The following ASTN2 variants were observed in gnomAD, a reference collection of about 807,000 sequenced individuals.
ASTN2 encodes astrotactin 2.
Under a neutral mutation model 139.8 loss-of-function variants are expected in ASTN2, and 54 were observed. The observed-to-expected ratio is 0.39, with a 90% CI of 0.31 to 0.48. ASTN2 has a LOEUF of 0.48. Ranked by LOEUF, ASTN2 falls within the 20% of genes least tolerant of loss-of-function variation. The probability of loss-of-function intolerance (pLI) is 0.95; values close to 1 mark genes in which losing one functional copy is unlikely to be tolerated. For missense variants in ASTN2, 1,565 were observed against 1,725.1 expected, an observed-to-expected ratio of 0.91 and a Z score of 1.64; for synonymous variants, 756 against 719.5, an observed-to-expected ratio of 1.05 and a Z score of -0.81.
chr9:117,020,102 T>C (rs1334091), intron 6 of ASTN2, among the ~76,000 whole-genome samples: 109,261 of 150,326 alleles, frequency 0.73, 39,965 homozygotes, highest in Middle Eastern at 0.82. Flanking sequence ...GGTAATCAAC[T>C]GGGCAGACTA....
rs1379923371 is a variant in ASTN2 at position 116,618,377 on chromosome 9, T to C, written c.3302A>G (p.Tyr1101Cys). The C allele has an allele frequency of 3.1e-6, 5 of 1,614,030 alleles. No homozygotes were observed. Among genetic ancestry groups the C allele is most frequent in the African/African-American group, 1.3e-5 (1 of 74,934 alleles). The stretch of plus-strand genomic sequence containing the variant: ...ATCCACTTTCTTATGCTGCAGAATA[T>C]AGTCGGAGACCTTGGTCCCAATAGC... ...QPAIGTKVSD[Y>C]ILQHKKVDEY... Residue 1101 changes from tyrosine to cysteine, a missense_variant, in exon 19 of 23, where the codon TAT becomes TGT. This residue lies in a region of ASTN2 where 418 missense variants were observed against 465.8 expected (regional missense o/e 0.90). Coordinates refer to ENST00000313400, the MANE Select transcript of ASTN2 (RefSeq NM_001365068.1).
chr9:116,523,969 C>CCATAAAATATA (rs1170174424), intron 19 of ASTN2, among the ~76,000 whole-genome samples: 1 of 152,136 alleles, frequency 6.6e-6, no homozygotes, highest in African/African-American at 2.4e-5. Context: ...ATGGCCAGTG[C>CCATAAAATATA]TGGGTGAATT....
intron 2 of ASTN2, among the ~76,000 whole-genome samples, chr9:117,267,483 T>C (rs1413570293): frequency 6.6e-6 from 1 of 152,196 alleles, no homozygotes; most frequent in African/African-American, 2.4e-5. Flanking sequence ...TGTTAATATC[T>C]CAGTACATAC....
chr9:116,921,078 A>G (rs903880821), intron 10 of ASTN2, among the ~76,000 whole-genome samples: 2 of 152,160 alleles, frequency 1.3e-5, no homozygotes, highest in Non-Finnish European at 2.9e-5. Context: ...GTTTCTACTC[A>G]TGGTGGAAGC....
intron 1 of ASTN2, among the ~76,000 whole-genome samples, chr9:117,413,485 A>C (rs897865971): frequency 6.6e-6 from 1 of 152,226 alleles, no homozygotes; most frequent in South Asian, 2.1e-4. Context: ...GGGGAGAGCG[A>C]GCAAGCAGCG....
chr9:116,810,183 TCTAA>T (rs1307940948), intron 12 of ASTN2, among the ~76,000 whole-genome samples: 1 of 152,254 alleles, frequency 6.6e-6, no homozygotes, highest in Non-Finnish European at 1.5e-5. Flanking sequence ...TTTGGAGTTC[TCTAA>T]CTGAGAAACA....
At chr9:117,164,406 T>A (rs1021080237) in intron 3 of ASTN2, among the ~76,000 whole-genome samples, 5 of 152,090 alleles carry the variant, frequency 3.3e-5, no homozygotes, top group African/African-American at 1.2e-4. Context: ...TCATTGGGTG[T>A]AAATGAAAAG....
chr9:117,024,393 A>G (rs1837989592), intron 6 of ASTN2, among the ~76,000 whole-genome samples: 1 of 150,212 alleles, frequency 6.7e-6, no homozygotes, highest in African/African-American at 2.5e-5. Flanking sequence ...ACGGTATTAG[A>G]TGTCTCAGAA....
At chr9:116,574,608 C>G (rs10983242) in intron 19 of ASTN2, among the ~76,000 whole-genome samples, 9,425 of 152,300 alleles carry the variant, frequency 0.062, 396 homozygotes, top group Non-Finnish European at 0.099. Context: ...GTTGGGAAGG[C>G]AGAGAAAGAC....
intron 13 of ASTN2, among the ~76,000 whole-genome samples, chr9:116,803,681 C>T (rs1436748633): frequency 4.6e-5 from 7 of 151,160 alleles, no homozygotes; most frequent in East Asian, 2.0e-4. Flanking sequence ...CCTGCCACTA[C>T]GCCTGGCTAT....
At chr9:116,578,639 T>C (rs1437027218) in intron 19 of ASTN2, among the ~76,000 whole-genome samples, 1 of 106,746 alleles carries the variant, frequency 9.4e-6, no homozygotes, top group African/African-American at 3.9e-5. Flanking sequence ...TGTGTGTGTG[T>C]GTGTGTGTGT....
intron 10 of ASTN2, among the ~76,000 whole-genome samples, chr9:116,886,364 C>A (rs978126400): frequency 6.6e-6 from 1 of 152,216 alleles, no homozygotes; most frequent in African/African-American, 2.4e-5. Context: ...GCAATTGTTT[C>A]TTTTTTCTTT....
chr9:116,691,529 G>A (rs1026007116), intron 16 of ASTN2, among the ~76,000 whole-genome samples: 1 of 152,168 alleles, frequency 6.6e-6, no homozygotes, highest in Non-Finnish European at 1.5e-5. Flanking sequence ...GTTTAACTTA[G>A]TAATTTAGCT....
At chr9:117,120,552 C>T (rs13292679) in intron 4 of ASTN2, among the ~76,000 whole-genome samples, 53,236 of 151,914 alleles carry the variant, frequency 0.35, 10,141 homozygotes, top group Non-Finnish European at 0.43. Context: ...TACTTAGAGT[C>T]GGGGACCAAG....
intron 10 of ASTN2, among the ~76,000 whole-genome samples, chr9:116,948,069 G>A (rs748841933): frequency 1.3e-5 from 2 of 152,158 alleles, no homozygotes; most frequent in Non-Finnish European, 2.9e-5. Flanking sequence ...GTCTTCAGAT[G>A]GAATATCACA....
intron 13 of ASTN2, among the ~76,000 whole-genome samples, chr9:116,768,127 C>T (rs1477502040): frequency 1.3e-5 from 2 of 152,146 alleles, no homozygotes; most frequent in Non-Finnish European, 2.9e-5. Context: ...TGTAAACTCC[C>T]AAATCCAATG....
chr9:116,883,062 T>A (rs1833492202), intron 10 of ASTN2, among the ~76,000 whole-genome samples: 1 of 152,188 alleles, frequency 6.6e-6, no homozygotes, highest in Non-Finnish European at 1.5e-5. Context: ...AAATGAGCAA[T>A]GCAGATGATG....
At position 116,425,462 on chromosome 9, in the gene ASTN2, G is replaced by A; in HGVS notation, c.*389C>T. The A allele has an allele frequency of 1.8e-6, 2 of 1,135,664 alleles. No individual in the cohort carries two copies. Among genetic ancestry groups the A allele is most frequent in the Non-Finnish European group, 2.6e-6 (2 of 770,394 alleles). 70.3% of individuals were successfully genotyped at this position (1,135,664 alleles called of 1,614,324 possible). On this transcript the variant is annotated 3_prime_UTR_variant, in exon 23 of 23. Transcript: ENST00000313400. ...TCAGGTCAAAACTGTCCCTCCATAG[G>A]TCTCCTCCAGGGGTCCATGGCAGGA...
intron 19 of ASTN2, among the ~76,000 whole-genome samples, chr9:116,571,327 A>C (rs10739468): frequency 6.6e-6 from 1 of 152,198 alleles, no homozygotes; most frequent in Admixed American, 6.5e-5. Context: ...CTGAGCACTC[A>C]ATCTGGACTC....
Sources: allele counts gnomAD v4.1 joint callset (sites outside exome capture counted in the v4.1 genomes callset), GRCh38; gene constraint gnomAD v4.1.1; regional missense constraint gnomAD v4.1.1; transcripts MANE v1.5; gene names NCBI Gene and HGNC (gene_info 2026-07-23, HGNC 2026-07-21).